IGSF21: variants seen among roughly 807,000 people sequenced by gnomAD.
The protein encoded by IGSF21 is immunoglobin superfamily member 21.
In IGSF21, 28 loss-of-function variants were observed where a neutral mutation model predicts 46.8. The observed-to-expected ratio is 0.60, with a 90% confidence interval of 0.44 to 0.82. The LOEUF (loss-of-function observed/expected upper bound fraction) is 0.82. Ranked by LOEUF, IGSF21 falls within the 40% of genes least tolerant of loss-of-function variation. The pLI, the probability that IGSF21 is intolerant of heterozygous loss-of-function variation, is 0.00. For synonymous variants in IGSF21, 284 were observed against 273.6 expected (o/e 1.04, Z -0.38); for missense variants, 624 against 665.5 (o/e 0.94, Z 0.69).
At chr1:18,133,605 C>T (rs1400425847) in intron 1 of IGSF21, among the ~76,000 whole-genome samples, 1 of 152,230 alleles carries the variant, frequency 6.6e-6, no homozygotes, top group Non-Finnish European at 1.5e-5. Context: ...CACTGCCAGC[C>T]CCCTTGCACC....
intron 3 of IGSF21, among the ~76,000 whole-genome samples, chr1:18,307,453 C>T (rs568473363): frequency 8.5e-4 from 129 of 152,300 alleles, no homozygotes; most frequent in Non-Finnish European, 1.5e-3. Flanking sequence ...AATGTTACAA[C>T]GAAGCAGGTC....
chr1:18,279,209 C>G (rs2085134407), intron 2 of IGSF21, among the ~76,000 whole-genome samples: 1 of 152,206 alleles, frequency 6.6e-6, no homozygotes, highest in Non-Finnish European at 1.5e-5. Flanking sequence ...CCACCCATCT[C>G]TTGTAGCCAT....
chr1:18,377,515 T>C (rs11260996), intron 9 of IGSF21, 84 bp downstream of exon 9: 94 of 1,084,436 alleles, frequency 8.7e-5, no homozygotes, highest in African/African-American at 2.6e-4. Flanking sequence ...AAACTTCCCA[T>C]ATGCACACCC....
intron 5 of IGSF21, among the ~76,000 whole-genome samples, chr1:18,362,520 T>G (rs1021203689): frequency 1.3e-5 from 2 of 152,176 alleles, no homozygotes; most frequent in African/African-American, 4.8e-5. Flanking sequence ...AGACCCAGCA[T>G]GCCTGACCCC....
chr1:18,340,208 A>G (rs1034375797), intron 4 of IGSF21, among the ~76,000 whole-genome samples: 1 of 149,982 alleles, frequency 6.7e-6, no homozygotes, highest in Non-Finnish European at 1.5e-5. Context: ...TCCAATGAAC[A>G]AGGAGGACAA....
rs1285868664 is a variant in IGSF21 at position 18,291,762 on chromosome 1, CCTT to C, written c.184-98_184-96del. On this transcript the variant is annotated intron_variant, in intron 2 of 9. Coordinates refer to ENST00000251296, the MANE Select transcript of IGSF21 (RefSeq NM_032880.5). ...ACCTTATTCTCAGGATGGGGGCTGT[CCTT>C]CTTCTGGGCTTCCTGCCTGCATCTT... The C allele has an allele frequency of 3.6e-6, 5 of 1,386,130 alleles. No individual in the cohort carries two copies. In the African/African-American group the frequency reaches 4.3e-5, roughly 12 times the overall value. The allele number at this position is 1,386,130 out of a possible 1,614,324, so 85.9% of individuals were successfully genotyped here. A position where few individuals can be genotyped will look rare whatever the true frequency, so the allele number is the denominator to read the frequency against.
intron 1 of IGSF21, among the ~76,000 whole-genome samples, chr1:18,155,943 C>T (rs1205203546): frequency 6.6e-6 from 1 of 152,220 alleles, no homozygotes; most frequent in East Asian, 1.9e-4. Flanking sequence ...TTTTGATGGG[C>T]CCGGATGCGG....
At chr1:18,294,531 A>G (rs781305938) in intron 3 of IGSF21, among the ~76,000 whole-genome samples, 3 of 152,232 alleles carry the variant, frequency 2.0e-5, no homozygotes, top group Admixed American at 6.5e-5. Context: ...TCCCTCTGGA[A>G]TGACATGAAC....
In IGSF21 at chr1:18,158,450, G is replaced by A. The variant is rs187624473; in HGVS notation, c.70+50252G>A. 1.3e-4 allele frequency among the ~76,000 whole-genome samples: 20 copies of A among 152,250 alleles called. No homozygotes were observed. The East Asian group carries it at 3.3e-3, about 25-fold the overall frequency. On this transcript the variant is annotated intron_variant, in intron 1 of 9. Coordinates refer to ENST00000251296, the MANE Select transcript of IGSF21 (RefSeq NM_032880.5). ...ATTACTGACTCCTAATTGGATGGACGGCTTGTTAATATCCTCCTGACAGGA... is the reference window on the plus strand; with the variant it reads ...ATTACTGACTCCTAATTGGATGGACAGCTTGTTAATATCCTCCTGACAGGA...
At chr1:18,249,409 C>T (rs544288023) in intron 2 of IGSF21, among the ~76,000 whole-genome samples, 30 of 152,218 alleles carry the variant, frequency 2.0e-4, no homozygotes, top group East Asian at 7.7e-4. Context: ...CTAGACACAC[C>T]GCACAGTGAA....
chr1:18,319,569 T>C (rs2085580270), intron 3 of IGSF21, among the ~76,000 whole-genome samples: 1 of 150,610 alleles, frequency 6.6e-6, no homozygotes, highest in East Asian at 1.9e-4. Flanking sequence ...TCATTAAAAA[T>C]TTATGTACTG....
At chr1:18,189,073 G>A (rs1008297113) in intron 1 of IGSF21, among the ~76,000 whole-genome samples, 3 of 152,202 alleles carry the variant, frequency 2.0e-5, no homozygotes, top group African/African-American at 7.2e-5. Flanking sequence ...GGAAAGGCCA[G>A]GGAGGCCCTT....
Position 18,127,727 on chromosome 1 carries a change from ACCTC to A in IGSF21, c.70+19530_70+19533del, listed in dbSNP as rs560392075. Among the ~76,000 whole-genome samples, 554 of 152,092 alleles carry A rather than the reference ACCTC, an allele frequency of 3.6e-3. 2 individuals are homozygous for A. The highest frequency in any genetic ancestry group is 0.012 in the African/African-American group (517 of 41,492). On this transcript the variant is annotated intron_variant, in intron 1 of 9. Coordinates refer to ENST00000251296, the MANE Select transcript of IGSF21 (RefSeq NM_032880.5). ...AGACCAGCCTGGGAAACATGGTGAA[ACCTC>A]ATCTCTACCAAACAAATAAAGAATA...
chr1:18,290,874 G>A lies in IGSF21; in HGVS notation c.184-992G>A, dbSNP rs1405951553. On this transcript the variant is annotated intron_variant, in intron 2 of 9. Transcript: ENST00000251296. The surrounding 1 kb of genome is among the most constrained non-coding windows in gnomAD (Gnocchi z 4.2). ...GCTGCCTCCACCACACAGAGCCGCA[G>A]GGAGCTAATTCCACTTCTCTAGGCC... Among the ~76,000 whole-genome samples, 1 of 151,774 alleles carries A rather than the reference G, an allele frequency of 6.6e-6. No homozygotes were observed. Among genetic ancestry groups the A allele is most frequent in the African/African-American group, 2.4e-5 (1 of 41,304 alleles).
In IGSF21 at chr1:18,365,834, A is replaced by T. The variant is rs1232885745; in HGVS notation, c.1015+137A>T. On this transcript the variant is annotated intron_variant, in intron 6 of 9. Transcript: ENST00000251296. This position sits in a 1 kb window ranked among gnomAD's most constrained non-coding sequence, Gnocchi z 4.8. The stretch of plus-strand genomic sequence containing the variant: ...AGCAAACTGGAGTCAGGATGAGCAC[A>T]AATGGTAGAGTCAGGTTCTTAGGGA... The T allele has an allele frequency of 1.4e-6, 1 of 717,420 alleles. No homozygotes were observed. The highest frequency in any genetic ancestry group is 2.7e-5 in the East Asian group (1 of 36,666). 44.4% of individuals were successfully genotyped at this position (717,420 alleles called of 1,614,324 possible). A position where few individuals can be genotyped will look rare whatever the true frequency, so the allele number is the denominator to read the frequency against.
intron 1 of IGSF21, among the ~76,000 whole-genome samples, chr1:18,142,644 GC>G (rs577844287): frequency 7.3e-4 from 111 of 152,326 alleles, no homozygotes; most frequent in African/African-American, 2.4e-3. Flanking sequence ...AAAATCCCAA[GC>G]CCCACAGCCA....
chr1:18,202,492 C>T (rs905116801), intron 1 of IGSF21, among the ~76,000 whole-genome samples: 2 of 152,184 alleles, frequency 1.3e-5, no homozygotes, highest in Admixed American at 1.3e-4. Context: ...CACAGTTCCT[C>T]ATGGCTGAGG....
chr1:18,146,084 T>C (rs1329747404), intron 1 of IGSF21, among the ~76,000 whole-genome samples: 2 of 152,050 alleles, frequency 1.3e-5, no homozygotes, highest in Non-Finnish European at 2.9e-5. Context: ...TGTTTACATA[T>C]CCATCTAAAG....
chr1:18,212,770 C>T (rs1184101803), intron 1 of IGSF21, among the ~76,000 whole-genome samples: 6 of 152,248 alleles, frequency 3.9e-5, no homozygotes. Flanking sequence ...CACAAGCATC[C>T]TGTGGTCACA....
Sources: gnomAD v4.1 joint callset for allele counts (sites outside exome capture counted in the v4.1 genomes callset) on GRCh38, gnomAD v4.1.1 for gene constraint, Gnocchi (gnomAD v3.1) non-coding constraint, MANE v1.5 for transcripts, NCBI Gene and HGNC (gene_info 2026-07-23, HGNC 2026-07-21) for gene names.